Variants in FRMD5 observed in about 807,000 individuals in gnomAD.
The protein encoded by FRMD5 is FERM domain containing 5.
In FRMD5, 20 loss-of-function variants were observed where a neutral mutation model predicts 69.0. That is an observed-to-expected ratio of 0.29 (90% CI 0.20 to 0.42). The LOEUF is 0.42. Among genes scored for constraint, FRMD5 ranks in the 10% least tolerant of loss-of-function variants. The pLI is 1.00. For synonymous variants in FRMD5, 271 were observed against 260.1 expected (o/e 1.04, Z -0.40); for missense variants, 595 against 708.6 (o/e 0.84, Z 1.82).
At chr15:43,971,840 G>T (rs2090384933) in intron 1 of FRMD5, among the ~76,000 whole-genome samples, 1 of 149,028 alleles carries the variant, frequency 6.7e-6, no homozygotes, top group East Asian at 2.0e-4. Context: ...CCGAGTAGCT[G>T]GGATTACAGG....
At chr15:43,967,060 T>C (rs953237965) in intron 1 of FRMD5, among the ~76,000 whole-genome samples, 2 of 152,118 alleles carry the variant, frequency 1.3e-5, no homozygotes, top group African/African-American at 4.8e-5. Flanking sequence ...CTGGAGCTGG[T>C]TTAATTAAAT....
At chr15:44,145,288 T>C (rs752790301) in intron 1 of FRMD5, among the ~76,000 whole-genome samples, 2 of 152,224 alleles carry the variant, frequency 1.3e-5, no homozygotes, top group Non-Finnish European at 2.9e-5. Flanking sequence ...AAATGTCTTT[T>C]ATGACACCAT....
At chr15:44,094,543 G>A (rs2076523297) in intron 1 of FRMD5, among the ~76,000 whole-genome samples, 1 of 152,152 alleles carries the variant, frequency 6.6e-6, no homozygotes, top group African/African-American at 2.4e-5. Flanking sequence ...TATTTATCAA[G>A]CTCCTACCAT....
chr15:44,023,191 A>T (rs1399777973), intron 1 of FRMD5, among the ~76,000 whole-genome samples: 1 of 152,170 alleles, frequency 6.6e-6, no homozygotes, highest in Non-Finnish European at 1.5e-5. Context: ...CTTGCCCCTG[A>T]AATGTAGTTA....
At chr15:44,062,896 C>T (rs1260410422) in intron 1 of FRMD5, among the ~76,000 whole-genome samples, 1 of 151,860 alleles carries the variant, frequency 6.6e-6, no homozygotes, top group Non-Finnish European at 1.5e-5. Flanking sequence ...TCCTTGGTAC[C>T]TTTGTTAAAA....
intron 1 of FRMD5, among the ~76,000 whole-genome samples, chr15:44,112,624 GC>G (rs1460931639): frequency 6.6e-6 from 1 of 151,794 alleles, no homozygotes; most frequent in Admixed American, 6.6e-5. Context: ...CCGCCACCAT[GC>G]CCTGCTAATT....
chr15:44,168,553 A>C (rs944550307), intron 1 of FRMD5, among the ~76,000 whole-genome samples: 3 of 152,222 alleles, frequency 2.0e-5, no homozygotes, highest in Non-Finnish European at 4.4e-5. Flanking sequence ...TAGTAATGAC[A>C]AGAACAATTA....
chr15:44,043,603 G>T (rs1250324921), intron 1 of FRMD5, among the ~76,000 whole-genome samples: 1 of 152,000 alleles, frequency 6.6e-6, no homozygotes, highest in African/African-American at 2.4e-5. Flanking sequence ...CAGAACAGAG[G>T]CCTCAGAAAT....
In FRMD5 at chr15:43,988,045, A is replaced by G. The variant is rs148247170; in HGVS notation, c.103-63736T>C. 2.2e-4 allele frequency among the ~76,000 whole-genome samples: 34 copies of G among 152,242 alleles called. No homozygotes were observed. In the East Asian group the frequency reaches 5.6e-3, roughly 25 times the overall value. On this transcript the variant is annotated intron_variant, in intron 1 of 13. Transcript: ENST00000417257. ...AGATCCCTCATGTGCACAGTTCACA[A>G]TGGGGTTCATGCTCCTATGAGAATC...
intron 1 of FRMD5, among the ~76,000 whole-genome samples, chr15:44,089,563 C>T (rs1039166290): frequency 6.6e-6 from 1 of 151,914 alleles, no homozygotes; most frequent in Non-Finnish European, 1.5e-5. Flanking sequence ...ATTGGCCGGG[C>T]ATGGTGGCAT....
chr15:43,919,139 C>T, intron 4 of FRMD5: 1 of 453,634 alleles, frequency 2.2e-6, no homozygotes, highest in South Asian at 1.8e-5. Flanking sequence ...TAGCTCTCTC[C>T]AAAAATGTCC....
chr15:43,928,541 CAGG>C (rs1315914949), intron 1 of FRMD5, among the ~76,000 whole-genome samples: 1 of 152,200 alleles, frequency 6.6e-6, no homozygotes, highest in African/African-American at 2.4e-5. Context: ...AAGCCAACGG[CAGG>C]GGCAAGATTT....
intron 1 of FRMD5, among the ~76,000 whole-genome samples, chr15:44,102,393 G>A (rs1185921564): frequency 1.3e-5 from 2 of 152,156 alleles, no homozygotes; most frequent in African/African-American, 4.8e-5. Context: ...GTCAAAAGAG[G>A]ACAGAAGGTT....
intron 1 of FRMD5, among the ~76,000 whole-genome samples, chr15:44,087,478 C>G (rs760523012): frequency 6.6e-6 from 1 of 152,050 alleles, no homozygotes; most frequent in Admixed American, 6.6e-5. Context: ...CAAAACATTA[C>G]GGCACATTCT....
intron 1 of FRMD5, among the ~76,000 whole-genome samples, chr15:44,068,539 G>A (rs750443647): frequency 1.3e-5 from 2 of 152,170 alleles, no homozygotes; most frequent in African/African-American, 2.4e-5. Context: ...GTCCACAATA[G>A]GCAATTTGAT....
intron 1 of FRMD5, among the ~76,000 whole-genome samples, chr15:44,108,300 G>A (rs773367006): frequency 5.9e-5 from 9 of 152,044 alleles, no homozygotes; most frequent in African/African-American, 2.2e-4. Context: ...GATCACCTGA[G>A]CCCCGGAGTC....
At chr15:44,107,586 G>A (rs1410936245) in intron 1 of FRMD5, among the ~76,000 whole-genome samples, 1 of 152,088 alleles carries the variant, frequency 6.6e-6, no homozygotes, top group Non-Finnish European at 1.5e-5. Context: ...AAGGTTATAT[G>A]ATTAGAGGGG....
At chr15:44,126,960 A>G (rs973125394) in intron 1 of FRMD5, among the ~76,000 whole-genome samples, 1 of 152,210 alleles carries the variant, frequency 6.6e-6, no homozygotes, top group Admixed American at 6.5e-5. Flanking sequence ...AACTATAAAT[A>G]CTTTTTTAAG....
At chr15:43,980,373 T>C (rs765401745) in intron 1 of FRMD5, among the ~76,000 whole-genome samples, 5 of 152,184 alleles carry the variant, frequency 3.3e-5, no homozygotes, top group Non-Finnish European at 7.3e-5. Context: ...ATTAGAAAGT[T>C]AGTACTAGGG....
Sources: allele counts gnomAD v4.1 joint callset (sites outside exome capture counted in the v4.1 genomes callset), GRCh38; gene constraint gnomAD v4.1.1; transcripts MANE v1.5; gene names NCBI Gene and HGNC (gene_info 2026-07-23, HGNC 2026-07-21).